The following ACKR3 variants were observed in gnomAD, a reference collection of about 807,000 sequenced individuals.
The protein encoded by ACKR3 is atypical chemokine receptor 3.
In ACKR3, 6 loss-of-function variants were observed where a neutral mutation model predicts 22.4. That is an observed-to-expected ratio of 0.27 (90% CI 0.15 to 0.53). The LOEUF is 0.53. ACKR3 is among the 20% of genes least tolerant of loss of function. The probability of loss-of-function intolerance (pLI) is 0.96; values close to 1 mark genes in which losing one functional copy is unlikely to be tolerated. For synonymous variants in ACKR3, 209 were observed against 205.2 expected (o/e 1.02, Z -0.16); for missense variants, 396 against 475.2 (o/e 0.83, Z 1.55).
chr2:236,549,903 T>G, the ACKR3 span, among the ~76,000 whole-genome samples: 2 of 152,168 alleles, frequency 1.3e-5, no homozygotes, highest in Non-Finnish European at 2.9e-5. This position sits in a 1 kb window ranked among gnomAD's most constrained non-coding sequence, Gnocchi z 5.3. Flanking sequence ...TAAACAGTGT[T>G]TACAAATCAT....
At chr2:236,566,751 C>CCTTCCTTCCTTCCTTCCTTT (rs1165501257), upstream of ACKR3, among the ~76,000 whole-genome samples, 1 of 149,460 alleles carries the variant, frequency 6.7e-6, no homozygotes, top group African/African-American at 2.5e-5. Context: ...TTCCTTCCTT[C>CCTTCCTTCCTTCCTTCCTTT]CTTCCTTCCT....
chr2:236,555,721 G>A, the ACKR3 span, among the ~76,000 whole-genome samples: 22 of 152,060 alleles, frequency 1.4e-4, no homozygotes, highest in African/African-American at 5.3e-4. Context: ...GGTTACATGA[G>A]CCAGCAGATG....
rs748171900 is a variant in ACKR3 at position 236,574,296 on chromosome 2, T to A, written c.-27+4372T>A. On this transcript the variant is annotated intron_variant, in intron 1 of 1. Coordinates refer to ENST00000272928, the MANE Select transcript of ACKR3 (RefSeq NM_020311.3). This position sits in a 1 kb window ranked among gnomAD's most constrained non-coding sequence, Gnocchi z 5.6. ...TGGGGCACGATTAACTGCTGGCTCA[T>A]TGAGTACCTACTATGTGCAGCTGTA... 3.3e-5 allele frequency among the ~76,000 whole-genome samples: 5 copies of A among 152,042 alleles called. No individual in the cohort carries two copies. The highest frequency in any genetic ancestry group is 3.2e-3 in the Middle Eastern group (1 of 316).
upstream of ACKR3, among the ~76,000 whole-genome samples, chr2:236,565,453 G>A (rs908657267): frequency 7.2e-5 from 11 of 152,144 alleles, no homozygotes; most frequent in African/African-American, 2.7e-4. Flanking sequence ...TTTTTATATA[G>A]TCAAAGTCGA....
chr2:236,538,450 C>A, the ACKR3 span, among the ~76,000 whole-genome samples: 4 of 152,206 alleles, frequency 2.6e-5, no homozygotes, highest in Non-Finnish European at 4.4e-5. Flanking sequence ...TGTGGGCTCA[C>A]CACCCTGACC....
chr2:236,554,219 T>C, the ACKR3 span, among the ~76,000 whole-genome samples: 1 of 152,218 alleles, frequency 6.6e-6, no homozygotes, highest in Non-Finnish European at 1.5e-5. Flanking sequence ...TCATGCATCT[T>C]ATACAAATAT....
At chr2:236,542,465 G>T in the ACKR3 span, among the ~76,000 whole-genome samples, 132 of 152,222 alleles carry the variant, frequency 8.7e-4, 1 homozygote, top group Admixed American at 9.2e-4. Flanking sequence ...TTTAGGGACC[G>T]ACATCTCCCT....
At chr2:236,545,183 T>C in the ACKR3 span, among the ~76,000 whole-genome samples, 2 of 152,176 alleles carry the variant, frequency 1.3e-5, no homozygotes, top group South Asian at 2.1e-4. The surrounding 1 kb of genome is among the most constrained non-coding windows in gnomAD (Gnocchi z 5.3). Context: ...GAAGCTTCCA[T>C]GTGGCTGGGA....
chr2:236,547,286 C>T, the ACKR3 span, among the ~76,000 whole-genome samples: 21 of 152,156 alleles, frequency 1.4e-4, no homozygotes, highest in Non-Finnish European at 2.6e-4. Context: ...TAACATATTT[C>T]AAGTCCTACA....
chr2:236,575,156 C>T (rs1691381713), intron 1 of ACKR3, among the ~76,000 whole-genome samples: 1 of 152,058 alleles, frequency 6.6e-6, no homozygotes, highest in Non-Finnish European at 1.5e-5. Flanking sequence ...TTCTGTGGAC[C>T]ATTCCTCCCT....
upstream of ACKR3, among the ~76,000 whole-genome samples, chr2:236,566,536 G>A (rs1691182450): frequency 8.0e-6 from 1 of 124,934 alleles, no homozygotes; most frequent in Non-Finnish European, 1.5e-5. Context: ...TCTCCCCATA[G>A]CAGAAGGAAG....
the ACKR3 span, among the ~76,000 whole-genome samples, chr2:236,539,690 G>A: frequency 6.6e-6 from 1 of 152,096 alleles, no homozygotes; most frequent in Non-Finnish European, 1.5e-5. Context: ...ATACCTAATA[G>A]TATAATTGCT....
At chr2:236,563,626 G>A (rs1187268915), upstream of ACKR3, among the ~76,000 whole-genome samples, 1 of 152,194 alleles carries the variant, frequency 6.6e-6, no homozygotes, top group Non-Finnish European at 1.5e-5. Flanking sequence ...GAAGCAGAGT[G>A]GTCTGAGGAT....
chr2:236,581,007 A>G lies in ACKR3; in HGVS notation c.542A>G (p.Tyr181Cys). 2 of 1,614,060 alleles carry G rather than the reference A, an allele frequency of 1.2e-6. No individual in the cohort carries two copies. Among genetic ancestry groups the G allele is most frequent in the Admixed American group, 1.7e-5 (1 of 60,022 alleles). ...LAFCVSLPDT[Y>C]YLKTVTSASN... ...TTCTGCGTGTCTCTGCCTGACACCTACTACCTGAAGACCGTCACGTCTGCG... is the reference window on the plus strand; with the variant it reads ...TTCTGCGTGTCTCTGCCTGACACCTGCTACCTGAAGACCGTCACGTCTGCG... The change falls in exon 2 of 2, where the codon TAC becomes TGC. Residue 181 changes from tyrosine to cysteine, a missense_variant. Coordinates refer to ENST00000272928, the MANE Select transcript of ACKR3 (RefSeq NM_020311.3). This position sits in a 1 kb window ranked among gnomAD's most constrained non-coding sequence, Gnocchi z 4.4.
intron 1 of ACKR3, among the ~76,000 whole-genome samples, chr2:236,571,618 G>GAAAAAAAAAAAA (rs397988342): frequency 1.3e-5 from 1 of 76,594 alleles, no homozygotes; most frequent in Non-Finnish European, 2.5e-5. Flanking sequence ...CTTTCTGAAT[G>GAAAAAAAAAAAA]AAAAAAAAAA....
intron 1 of ACKR3, among the ~76,000 whole-genome samples, chr2:236,576,724 C>T (rs1460871770): frequency 1.3e-5 from 2 of 152,228 alleles, no homozygotes; most frequent in Non-Finnish European, 2.9e-5. Flanking sequence ...TCGCAGGCCA[C>T]CTTCCATGTT....
chr2:236,568,097 C>T (rs1691225879), upstream of ACKR3, among the ~76,000 whole-genome samples: 1 of 152,246 alleles, frequency 6.6e-6, no homozygotes, highest in Non-Finnish European at 1.5e-5. Flanking sequence ...TTTCCTTCCT[C>T]TACGTTAGCA....
At chr2:236,567,006 C>T (rs887310478), upstream of ACKR3, among the ~76,000 whole-genome samples, 1 of 151,440 alleles carries the variant, frequency 6.6e-6, no homozygotes, top group Non-Finnish European at 1.5e-5. Flanking sequence ...TTCCTTCCCC[C>T]TTCCCTTCTT....
intron 1 of ACKR3, among the ~76,000 whole-genome samples, chr2:236,576,559 CT>C (rs1307124589): frequency 6.6e-6 from 1 of 152,224 alleles, no homozygotes; most frequent in African/African-American, 2.4e-5. Flanking sequence ...ATCAGGGATT[CT>C]GAGAGTGTCA....
Sources: allele counts gnomAD v4.1 joint callset (sites outside exome capture counted in the v4.1 genomes callset), GRCh38; gene constraint gnomAD v4.1.1; non-coding constraint Gnocchi (gnomAD v3.1); transcripts MANE v1.5; gene names NCBI Gene and HGNC (gene_info 2026-07-23, HGNC 2026-07-21).